The following MOB3B variants were observed in gnomAD, a reference collection of about 807,000 sequenced individuals.
The protein encoded by MOB3B is MOB kinase activator-like 2B.
MOB3B carries 7 observed loss-of-function variants against 18.7 expected under a neutral mutation model. The observed-to-expected ratio is 0.37, with a 90% confidence interval of 0.21 to 0.70. The LOEUF (loss-of-function observed/expected upper bound fraction) is 0.70, where lower values mean the gene tolerates loss of function less well. Ranked by LOEUF, MOB3B falls within the 30% of genes least tolerant of loss-of-function variation. The probability of loss-of-function intolerance (pLI) is 0.52; values close to 1 mark genes in which losing one functional copy is unlikely to be tolerated. For missense variants in MOB3B, 253 were observed against 281.3 expected, an observed-to-expected ratio of 0.90 and a Z score of 0.72; for synonymous variants, 111 against 99.9, an observed-to-expected ratio of 1.11 and a Z score of -0.66.
chr9:27,371,702 C>T (rs866086977), intron 2 of MOB3B, among the ~76,000 whole-genome samples: 6 of 152,002 alleles, frequency 3.9e-5, no homozygotes, highest in Non-Finnish European at 4.4e-5. Context: ...TCGGGAGTGG[C>T]GTGGACTGTG....
At chr9:27,491,101 A>G (rs1051438931) in intron 1 of MOB3B, among the ~76,000 whole-genome samples, 2 of 152,200 alleles carry the variant, frequency 1.3e-5, no homozygotes, top group African/African-American at 2.4e-5. Context: ...TCCTTTGTAT[A>G]TATTATTTCT....
chr9:27,395,083 T>C (rs1481745218), intron 2 of MOB3B, among the ~76,000 whole-genome samples: 1 of 152,234 alleles, frequency 6.6e-6, no homozygotes, highest in Non-Finnish European at 1.5e-5. Context: ...ATCTGTACTT[T>C]GTTTGGGGGG....
chr9:27,352,958 C>T (rs1215285271), intron 3 of MOB3B, among the ~76,000 whole-genome samples: 1 of 152,154 alleles, frequency 6.6e-6, no homozygotes, highest in Non-Finnish European at 1.5e-5. Flanking sequence ...ACTCATTTGA[C>T]CACAGAAGGA....
At chr9:27,527,127 A>G (rs1820448499) in intron 1 of MOB3B, among the ~76,000 whole-genome samples, 1 of 152,164 alleles carries the variant, frequency 6.6e-6, no homozygotes, top group Non-Finnish European at 1.5e-5. Flanking sequence ...TTTAATTCTA[A>G]AAGAAACTGT....
At chr9:27,396,180 A>T (rs1821795732) in intron 2 of MOB3B, among the ~76,000 whole-genome samples, 1 of 152,152 alleles carries the variant, frequency 6.6e-6, no homozygotes, top group South Asian at 2.1e-4. Flanking sequence ...ATAGTAAACC[A>T]CATTTTCTTT....
rs1157845572 is a variant in MOB3B, at chr9:27,444,187, GAAAGAAAGAAAGAA to G, written c.418+10932_418+10945del. The stretch of plus-strand genomic sequence containing the variant: ...GGAAGGAAGGAAAGAAGGAAGGAAA[GAAAGAAAGAAAGAA>G]AAAGAAAGAAAGAAAGAAAAAGAAA... On this transcript the variant is annotated intron_variant, in intron 2 of 3. Transcript: ENST00000262244. 2.3e-4 allele frequency among the ~76,000 whole-genome samples: 32 copies of G among 140,586 alleles called. No individual in the cohort carries two copies. The South Asian group carries it at 6.6e-3, about 29-fold the overall frequency. The allele number at this position is 140,586 out of a possible 152,430, so 92.2% of individuals were successfully genotyped here.
chr9:27,414,176 C>G (rs1440334461), intron 2 of MOB3B, among the ~76,000 whole-genome samples: 1 of 152,176 alleles, frequency 6.6e-6, no homozygotes, highest in Non-Finnish European at 1.5e-5. Flanking sequence ...GATGTTTGCC[C>G]ACTCTTGCCA....
At chr9:27,508,425 A>G (rs1439996578) in intron 1 of MOB3B, among the ~76,000 whole-genome samples, 1 of 151,950 alleles carries the variant, frequency 6.6e-6, no homozygotes, top group Admixed American at 6.6e-5. Flanking sequence ...ACCATTCAAG[A>G]AGTCCTGGCA....
chr9:27,366,176 C>T (rs1020725047), intron 2 of MOB3B, among the ~76,000 whole-genome samples: 6 of 152,060 alleles, frequency 3.9e-5, no homozygotes, highest in East Asian at 1.9e-4. Context: ...GTCAGGAACC[C>T]GCATCTGACA....
chr9:27,523,795 A>G (rs955373875), intron 1 of MOB3B, among the ~76,000 whole-genome samples: 1 of 152,222 alleles, frequency 6.6e-6, no homozygotes, highest in South Asian at 2.1e-4. Flanking sequence ...GGAAAAACCT[A>G]AACTATACTG....
chr9:27,477,872 T>C (rs1179223372), intron 1 of MOB3B, among the ~76,000 whole-genome samples: 1 of 152,192 alleles, frequency 6.6e-6, no homozygotes, highest in African/African-American at 2.4e-5. Context: ...ACAGGTGACA[T>C]GGCCCAAGGC....
At chr9:27,362,936 C>T (rs1211882103) in intron 2 of MOB3B, among the ~76,000 whole-genome samples, 1 of 152,194 alleles carries the variant, frequency 6.6e-6, no homozygotes, top group Non-Finnish European at 1.5e-5. Context: ...GAGGTTATCC[C>T]TTCAGATGGC....
At chr9:27,475,579 T>C (rs1389374270) in intron 1 of MOB3B, among the ~76,000 whole-genome samples, 1 of 152,208 alleles carries the variant, frequency 6.6e-6, no homozygotes, top group African/African-American at 2.4e-5. Flanking sequence ...GGGAGGTCAA[T>C]ATATCTGTAT....
In MOB3B at chr9:27,463,408, C is replaced by T. The variant is rs577716820; in HGVS notation, c.-198-7660G>A. Among the ~76,000 whole-genome samples the T allele has an allele frequency of 1.2e-3, 190 of 152,140 alleles. 2 individuals carry two copies. Among genetic ancestry groups the T allele is most frequent in the Admixed American group, 0.011 (170 of 15,274 alleles). On this transcript the variant is annotated intron_variant, in intron 1 of 3. Transcript: ENST00000262244. ...ACCTCTTACCACCTACTTAAAAGTG[C>T]CTCTTTAGACAGTTGGGTAGTTAAA...
At chr9:27,419,754 C>A (rs556924698) in intron 2 of MOB3B, among the ~76,000 whole-genome samples, 47 of 152,270 alleles carry the variant, frequency 3.1e-4, no homozygotes, top group African/African-American at 1.1e-3. Context: ...GGCAAGATTT[C>A]ATGACCAAGA....
intron 2 of MOB3B, among the ~76,000 whole-genome samples, chr9:27,432,883 G>A (rs1157329012): frequency 6.6e-6 from 1 of 152,148 alleles, no homozygotes; most frequent in East Asian, 1.9e-4. Flanking sequence ...AGAGGAGAAA[G>A]GAAGCTGTTT....
rs186847328 is a variant in MOB3B at position 27,375,298 on chromosome 9, A to C, written c.419-16062T>G. 9.3e-4 allele frequency among the ~76,000 whole-genome samples: 141 copies of C among 152,344 alleles called. 1 individual carries two copies. Among genetic ancestry groups the C allele is most frequent in the African/African-American group, 2.9e-3 (121 of 41,580 alleles). ...TCTTTTTGGTTCTCCGTTTAACATA[A>C]ATGTGCAGAAGGCACCATTTACTTG... On this transcript the variant is annotated intron_variant, in intron 2 of 3. Transcript: ENST00000262244.
At chr9:27,481,644 G>C (rs914392916) in intron 1 of MOB3B, among the ~76,000 whole-genome samples, 6 of 151,464 alleles carry the variant, frequency 4.0e-5, no homozygotes, top group Admixed American at 2.0e-4. Flanking sequence ...TCCTGCCTCA[G>C]CCTCCCAAGT....
Position 27,502,399 on chromosome 9 carries a change from G to A in MOB3B, c.-199+27156C>T, listed in dbSNP as rs1820004983. ...CTCTTTCTGTGAAGTCTAGGGACTGGACAGCTACCTCTTCAACTTGTCATC... is the reference window on the plus strand; with the variant it reads ...CTCTTTCTGTGAAGTCTAGGGACTGAACAGCTACCTCTTCAACTTGTCATC... On this transcript the variant is annotated intron_variant, in intron 1 of 3. Coordinates refer to ENST00000262244, the MANE Select transcript of MOB3B (RefSeq NM_024761.5). Among the ~76,000 whole-genome samples, 5 of 152,116 alleles carry A rather than the reference G, an allele frequency of 3.3e-5. No individual in the cohort carries two copies. In the South Asian group the frequency reaches 8.3e-4, roughly 25 times the overall value.
Sources: allele counts gnomAD v4.1 joint callset (sites outside exome capture counted in the v4.1 genomes callset), GRCh38; gene constraint gnomAD v4.1.1; transcripts MANE v1.5; gene names NCBI Gene and HGNC (gene_info 2026-07-23, HGNC 2026-07-21).